ARID3B: variants seen among roughly 807,000 people sequenced by gnomAD.
ARID3B encodes AT-rich interactive domain-containing protein 3B.
In ARID3B, 10 loss-of-function variants were observed where a neutral mutation model predicts 51.9. That is an observed-to-expected ratio of 0.19 (90% CI 0.12 to 0.33). ARID3B has a LOEUF of 0.33. Ranked by LOEUF, ARID3B falls within the 10% of genes least tolerant of loss-of-function variation. The pLI is 1.00. For synonymous variants in ARID3B, 205 were observed against 279.5 expected (o/e 0.73, Z 2.66); for missense variants, 483 against 716.3 (o/e 0.67, Z 3.72).
At chr15:74,576,267 C>T (rs1031801109) in intron 4 of ARID3B, among the ~76,000 whole-genome samples, 6 of 152,016 alleles carry the variant, frequency 3.9e-5, no homozygotes, top group African/African-American at 1.5e-4. Flanking sequence ...GTCACAACAA[C>T]CAAAAATGTC....
chr15:74,592,097 G>A (rs1036452906), intron 7 of ARID3B, among the ~76,000 whole-genome samples: 7 of 152,240 alleles, frequency 4.6e-5, no homozygotes, highest in East Asian at 3.9e-4. Flanking sequence ...GGCCTTCAGA[G>A]AGCTGCTGCG....
chr15:74,581,335 T>C (rs975051399), intron 4 of ARID3B, among the ~76,000 whole-genome samples: 2 of 152,258 alleles, frequency 1.3e-5, no homozygotes, highest in African/African-American at 4.8e-5. Flanking sequence ...TGTGTGCTTA[T>C]CTATCCATCT....
chr15:74,543,457 A>G (rs529456196), intron 1 of ARID3B, among the ~76,000 whole-genome samples: 1 of 152,194 alleles, frequency 6.6e-6, no homozygotes, highest in African/African-American at 2.4e-5. Context: ...TGTTGTTTGC[A>G]TAATTATGCT....
Position 74,597,457 on chromosome 15 carries a change from T to C in ARID3B, c.*1683T>C. ...TCAGCCCGGTAAGCTGCAGCTCTGC[T>C]CAACTGCGTCTTCTCTCAGCCCTCC... On this transcript the variant is annotated 3_prime_UTR_variant, in exon 9 of 9. Transcript: ENST00000346246. 3.9e-6 allele frequency: 2 copies of C among 510,462 alleles called. No homozygotes were observed. Among genetic ancestry groups the C allele is most frequent in the Non-Finnish European group, 7.5e-6 (2 of 266,666 alleles). The allele number at this position is 510,462 out of a possible 1,614,324, so 31.6% of individuals were successfully genotyped here.
chr15:74,544,521 C>T (rs1327522839), intron 2 of ARID3B, 33 bp downstream of exon 2: 2 of 1,590,500 alleles, frequency 1.3e-6, no homozygotes, highest in Non-Finnish European at 1.7e-6. Context: ...GTCATTTGGT[C>T]TTCCTGAAGG....
intron 2 of ARID3B, among the ~76,000 whole-genome samples, chr15:74,566,370 C>T (rs1462025816): frequency 2.0e-5 from 3 of 151,878 alleles, no homozygotes; most frequent in African/African-American, 4.8e-5. Flanking sequence ...GAGGCTGAGA[C>T]GGGCAGATCA....
At chr15:74,589,595 C>T (rs1306287976) in intron 4 of ARID3B, among the ~76,000 whole-genome samples, 1 of 152,202 alleles carries the variant, frequency 6.6e-6, no homozygotes, top group Non-Finnish European at 1.5e-5. Flanking sequence ...GACGGCAAAA[C>T]AGAACCAGAG....
intron 8 of ARID3B, 61 bp from the exon 9 acceptor site, chr15:74,595,550 G>A: frequency 1.3e-6 from 2 of 1,558,972 alleles, no homozygotes; most frequent in South Asian, 1.2e-5. Context: ...CTTACTGAAA[G>A]GAGCTGGCCC....
chr15:74,583,815 A>C (rs1397382997), intron 4 of ARID3B, among the ~76,000 whole-genome samples: 1 of 152,150 alleles, frequency 6.6e-6, no homozygotes, highest in Non-Finnish European at 1.5e-5. Context: ...AGGTTAATGC[A>C]CTATACCATA....
At chr15:74,573,059 G>A (rs369563004) in intron 3 of ARID3B, 73 bp from the exon 4 acceptor site, 2 of 1,591,268 alleles carry the variant, frequency 1.3e-6, no homozygotes, top group Admixed American at 3.3e-5. Flanking sequence ...GATGGTCATA[G>A]TATATCTGGT....
At chr15:74,556,644 G>GT (rs375447713) in intron 2 of ARID3B, among the ~76,000 whole-genome samples, 65 of 152,082 alleles carry the variant, frequency 4.3e-4, no homozygotes, top group African/African-American at 1.5e-3. Flanking sequence ...CCCCAAATTA[G>GT]TTTTTTTCCC....
intron 2 of ARID3B, among the ~76,000 whole-genome samples, chr15:74,561,544 T>C (rs1264154538): frequency 6.6e-6 from 1 of 152,240 alleles, no homozygotes; most frequent in African/African-American, 2.4e-5. Flanking sequence ...GAGGCAGTTA[T>C]AAGCAGGGAC....
At chr15:74,549,532 C>T (rs1033542149) in intron 2 of ARID3B, among the ~76,000 whole-genome samples, 4 of 149,674 alleles carry the variant, frequency 2.7e-5, no homozygotes, top group African/African-American at 7.4e-5. Flanking sequence ...ATGCCACTTG[C>T]ACTCCAGTTT....
At chr15:74,556,200 G>A (rs2061657004) in intron 2 of ARID3B, among the ~76,000 whole-genome samples, 1 of 152,168 alleles carries the variant, frequency 6.6e-6, no homozygotes, top group Non-Finnish European at 1.5e-5. Flanking sequence ...AGAGGTCATT[G>A]CAAGGTTACT....
chr15:74,544,214 A>G lies in ARID3B; in HGVS notation c.278A>G (p.Glu93Gly). 6.2e-7 allele frequency: 1 copy of G among 1,614,078 alleles called. No homozygotes were observed. Among genetic ancestry groups the G allele is most frequent in the Non-Finnish European group, 8.5e-7 (1 of 1,179,920 alleles). The change falls in exon 2 of 9, where the codon GAA (glutamate) becomes GGA (glycine). Residue 93 changes from glutamate (E) to glycine (G), a missense_variant. Coordinates refer to ENST00000346246, the MANE Select transcript of ARID3B (RefSeq NM_006465.4). ...ERGNMNSEPE[E>G]EDGGLEDEDG... Reference sequence around the variant, plus strand: ...GGCAACATGAACTCAGAGCCTGAGGAAGAGGACGGAGGTTTGGAAGATGAG... The same window carrying G: ...GGCAACATGAACTCAGAGCCTGAGGGAGAGGACGGAGGTTTGGAAGATGAG...
chr15:74,544,632 A>AT (rs1596248151), intron 2 of ARID3B, 144 bp downstream of exon 2: 12 of 632,788 alleles, frequency 1.9e-5, no homozygotes, highest in East Asian at 1.2e-4. Context: ...TAGACTTTGG[A>AT]TTTTTTTCTT....
chr15:74,557,152 T>C (rs2061661482), intron 2 of ARID3B, among the ~76,000 whole-genome samples: 1 of 151,894 alleles, frequency 6.6e-6, no homozygotes, highest in Non-Finnish European at 1.5e-5. Flanking sequence ...TGATGGCTCA[T>C]ACCTATAATT....
intron 8 of ARID3B, 47 bp downstream of exon 8, chr15:74,593,283 C>T (rs537823000): frequency 7.7e-6 from 12 of 1,559,858 alleles, no homozygotes; most frequent in South Asian, 1.1e-5. Flanking sequence ...CGCAGCTAGC[C>T]ACAGGGCAGC....
At chr15:74,580,284 T>G (rs1217345372) in intron 4 of ARID3B, among the ~76,000 whole-genome samples, 3 of 152,244 alleles carry the variant, frequency 2.0e-5, no homozygotes, top group Admixed American at 1.3e-4. Flanking sequence ...GGGTGGTTTC[T>G]GAAATACCAT....
Sources: gnomAD v4.1 joint callset for allele counts (sites outside exome capture counted in the v4.1 genomes callset) on GRCh38, gnomAD v4.1.1 for gene constraint, MANE v1.5 for transcripts, NCBI Gene and HGNC (gene_info 2026-07-23, HGNC 2026-07-21) for gene names.